DIPK2B: variants seen among roughly 807,000 people sequenced by gnomAD.
The protein encoded by DIPK2B is UPF0672 protein CXorf36.
DIPK2B carries 15 observed loss-of-function variants against 22.2 expected under a neutral mutation model. The ratio of observed to expected loss-of-function variants is 0.68; its 90% confidence interval spans 0.45 to 1.04. DIPK2B has a LOEUF of 1.04. Ranked by LOEUF, DIPK2B falls within the 50% of genes least tolerant of loss-of-function variation. DIPK2B has a pLI of 0.00. For synonymous variants in DIPK2B, 163 were observed against 153.2 expected, an observed-to-expected ratio of 1.06 and a Z score of -0.47; for missense variants, 345 against 348.3, an observed-to-expected ratio of 0.99 and a Z score of 0.08.
intron 2 of DIPK2B, among the ~76,000 whole-genome samples, chrX:45,161,068 C>T (rs1332083441): frequency 9.0e-6 from 1 of 111,727 alleles, no homozygotes; most frequent in African/African-American, 3.3e-5. Context: ...TAGCTTTCTT[C>T]ACTCTTTTCT....
At chrX:45,177,980 A>C (rs1442503899) in intron 2 of DIPK2B, among the ~76,000 whole-genome samples, 3 of 112,193 alleles carry the variant, frequency 2.7e-5, no homozygotes, top group Non-Finnish European at 3.8e-5. Flanking sequence ...GAGAAAAGAC[A>C]CTGATAAAAG....
chrX:45,185,267 A>C (rs1603113307), intron 2 of DIPK2B, among the ~76,000 whole-genome samples: 1 of 112,303 alleles, frequency 8.9e-6, no homozygotes, highest in Non-Finnish European at 1.9e-5. Flanking sequence ...GGGCCAAGTC[A>C]CACTTAACGG....
intron 2 of DIPK2B, among the ~76,000 whole-genome samples, chrX:45,185,132 T>C (rs1317481037): frequency 8.9e-6 from 1 of 112,211 alleles, no homozygotes; most frequent in Admixed American, 9.5e-5. Flanking sequence ...ACACAATCAC[T>C]ATATTAACTG....
Position 45,153,474 on chromosome X carries a change from T to TTGTGTGTGTGTG in DIPK2B, c.961+424_961+435dup, listed in dbSNP as rs34281975. 1.6e-3 allele frequency among the ~76,000 whole-genome samples: 116 copies of TTGTGTGTGTGTG among 73,854 alleles called. 2 individuals are homozygous for TTGTGTGTGTGTG. Among genetic ancestry groups the TTGTGTGTGTGTG allele is most frequent in the Middle Eastern group, 7.4e-3 (1 of 135 alleles). 64.1% of individuals were successfully genotyped at this position (73,854 alleles called of 115,157 possible). ...TGAGTGGGAGATGGACCCAAAAGTTTTGTGTGTGTGTGTGTGTGTGTGTGT... is the reference window on the plus strand; with the variant it reads ...TGAGTGGGAGATGGACCCAAAAGTTTTGTGTGTGTGTGTGTGTGTGTGTGTGTGTGTGTGTGT... On this transcript the variant is annotated intron_variant, in intron 4 of 4. Transcript: ENST00000398000.
chrX:45,170,619 A>G (rs1003568249), intron 2 of DIPK2B, among the ~76,000 whole-genome samples: 1 of 112,136 alleles, frequency 8.9e-6, no homozygotes, highest in Non-Finnish European at 1.9e-5. Flanking sequence ...ACCTTGTAGA[A>G]AGTTCATACT....
At chrX:45,180,244 C>T (rs1173210267) in intron 2 of DIPK2B, among the ~76,000 whole-genome samples, 3 of 111,582 alleles carry the variant, frequency 2.7e-5, no homozygotes, top group Non-Finnish European at 5.7e-5. Context: ...AAATAGATAC[C>T]TAATTATAAT....
At chrX:45,199,750 C>T (rs772661178) in intron 1 of DIPK2B, among the ~76,000 whole-genome samples, 9 of 111,155 alleles carry the variant, frequency 8.1e-5, no homozygotes, top group Non-Finnish European at 1.5e-4. Context: ...TATAACATGA[C>T]CCCCTTGTCC....
At chrX:45,158,250 G>T (rs1056157731) in intron 2 of DIPK2B, among the ~76,000 whole-genome samples, 32 of 110,262 alleles carry the variant, frequency 2.9e-4, no homozygotes, top group Admixed American at 3.8e-4. Flanking sequence ...CAGCACGGCA[G>T]GAGGGCACTG....
chrX:45,166,824 A>G (rs2047051455), intron 2 of DIPK2B, among the ~76,000 whole-genome samples: 1 of 112,506 alleles, frequency 8.9e-6, no homozygotes, highest in Non-Finnish European at 1.9e-5. Context: ...TCTCAGTAAG[A>G]AGGTTTTCCT....
chrX:45,160,326 G>A (rs2148335431), intron 2 of DIPK2B, among the ~76,000 whole-genome samples: 1 of 110,343 alleles, frequency 9.1e-6, no homozygotes, highest in Admixed American at 9.6e-5. Flanking sequence ...TCTTGGTTCA[G>A]CCTCCCAAGT....
At chrX:45,190,561 C>T (rs2047205359) in intron 2 of DIPK2B, among the ~76,000 whole-genome samples, 1 of 111,957 alleles carries the variant, frequency 8.9e-6, no homozygotes, top group African/African-American at 3.3e-5. Context: ...GAGCTTGTGT[C>T]TGATTCATCT....
At chrX:45,161,744 G>A (rs2047023774) in intron 2 of DIPK2B, among the ~76,000 whole-genome samples, 1 of 112,129 alleles carries the variant, frequency 8.9e-6, no homozygotes, top group Non-Finnish European at 1.9e-5. Context: ...ACAAGTCTTG[G>A]TGATAAGCTG....
At chrX:45,185,418 T>C (rs931469529) in intron 2 of DIPK2B, among the ~76,000 whole-genome samples, 1 of 111,267 alleles carries the variant, frequency 9.0e-6, no homozygotes, top group African/African-American at 3.3e-5. Context: ...CTTAAAGCCC[T>C]GTAAAAGCAA....
At chrX:45,172,624 G>T (rs1490865604) in intron 2 of DIPK2B, among the ~76,000 whole-genome samples, 1 of 111,506 alleles carries the variant, frequency 9.0e-6, no homozygotes, top group Admixed American at 9.5e-5. Context: ...TGAAGCATTT[G>T]TGGGTTGCTC....
At position 45,191,779 on chromosome X, in the gene DIPK2B, G is replaced by A; in HGVS notation, c.470C>T (p.Ala157Val). The A allele has an allele frequency of 2.5e-6, 3 of 1,211,707 alleles. No homozygotes were observed. Among genetic ancestry groups the A allele is most frequent in the Non-Finnish European group, 3.3e-6 (3 of 895,535 alleles). The change falls in exon 2 of 5, where the codon GCC becomes GTC. Residue 157 changes from alanine to valine, a missense_variant. Coordinates refer to ENST00000398000, the MANE Select transcript of DIPK2B (RefSeq NM_176819.4). ...CACCAGGTCCGGCGTGAGGCGCTTG[G>A]CCTGCAGCCATTTCTGGAACCTCTC... ...KTERFQKWLQ[A>V]KRLTPDLVQG...
In DIPK2B at chrX:45,153,986, G is replaced by A. The variant is rs1037071483; in HGVS notation, c.885C>T (p.Gly295=). The change falls in exon 4 of 5, where the codon GGC becomes GGT. Residue 295 remains glycine (G), a synonymous_variant. Transcript: ENST00000398000. The stretch of plus-strand genomic sequence containing the variant: ...GCCCGTTGTTAAAGACGCCGAACAT[G>A]CCTGCATCAATGTGGGTGAAGTAGA... The part of the protein sequence containing the change: ...YFFYFTHIDA[G]MFGVFNNGHL... 1.7e-6 allele frequency: 2 copies of A among 1,208,483 alleles called. No homozygotes were observed. The highest frequency in any genetic ancestry group is 3.5e-5 in the African/African-American group (2 of 56,856).
At chrX:45,171,126 A>G (rs1200699074) in intron 2 of DIPK2B, among the ~76,000 whole-genome samples, 1 of 111,527 alleles carries the variant, frequency 9.0e-6, no homozygotes, top group East Asian at 2.8e-4. Flanking sequence ...CCTCAAGTGC[A>G]GGAAGCAGAT....
intron 2 of DIPK2B, among the ~76,000 whole-genome samples, chrX:45,179,118 TG>T (rs1240088313): frequency 1.8e-5 from 2 of 111,214 alleles, no homozygotes; most frequent in African/African-American, 3.3e-5. Flanking sequence ...TTGTCACAAC[TG>T]GGGGGTTGTG....
Position 45,189,132 on chromosome X carries a change from A to T in DIPK2B, c.498+2619T>A, listed in dbSNP as rs151296828. 5.2e-3 allele frequency among the ~76,000 whole-genome samples: 581 copies of T among 112,188 alleles called. 1 individual carries two copies. The highest frequency in any genetic ancestry group is 0.018 in the African/African-American group (547 of 30,916). On this transcript the variant is annotated intron_variant, in intron 2 of 4. Transcript: ENST00000398000. ...CATCTTGAACCCCTGGCCTCAAGCA[A>T]TCCTCCTGCCTCAGCCTCCCAAAGT...
Sources: allele counts gnomAD v4.1 joint callset (sites outside exome capture counted in the v4.1 genomes callset), GRCh38; gene constraint gnomAD v4.1.1; transcripts MANE v1.5; gene names NCBI Gene and HGNC (gene_info 2026-07-23, HGNC 2026-07-21).